Variants in GABRA1 observed in about 807,000 individuals in gnomAD.
GABRA1 encodes the protein gamma-aminobutyric acid type A receptor subunit alpha1.
A neutral mutation model predicts 48.9 loss-of-function variants in GABRA1; 9 were observed. The observed-to-expected ratio is 0.18, with a 90% CI of 0.11 to 0.32. The LOEUF (loss-of-function observed/expected upper bound fraction) is 0.32, where lower values mean the gene tolerates loss of function less well. Ranked by LOEUF, GABRA1 falls within the 10% of genes least tolerant of loss-of-function variation. The pLI is 1.00. For missense variants in GABRA1, 285 were observed against 553.8 expected, an observed-to-expected ratio of 0.51 and a Z score of 4.87; for synonymous variants, 210 against 198.7, an observed-to-expected ratio of 1.06 and a Z score of -0.48.
chr5:161,857,813 G>A (rs1297221622), intron 3 of GABRA1, among the ~76,000 whole-genome samples: 1 of 151,474 alleles, frequency 6.6e-6, no homozygotes, highest in East Asian at 1.9e-4. Context: ...ATTCATTCTT[G>A]TCCATAATCA....
intron 4 of GABRA1, among the ~76,000 whole-genome samples, chr5:161,870,598 A>AAAGAAAGAAAGG (rs140152206): frequency 6.6e-6 from 1 of 151,046 alleles, no homozygotes; most frequent in Non-Finnish European, 1.5e-5. Context: ...AGAAAAAAAG[A>AAAGAAAGAAAGG]AAGAAAGAAA....
chr5:161,860,909 C>T (rs1185285883), intron 3 of GABRA1, among the ~76,000 whole-genome samples: 1 of 151,814 alleles, frequency 6.6e-6, no homozygotes, highest in Non-Finnish European at 1.5e-5. Flanking sequence ...GTTTCAATTT[C>T]CTGTGTTGAT....
intron 3 of GABRA1, among the ~76,000 whole-genome samples, chr5:161,855,647 A>AT (rs144806178): frequency 0.03 from 4,561 of 151,372 alleles, 215 homozygotes; most frequent in African/African-American, 0.1. Flanking sequence ...TTGGCTTCAA[A>AT]TTTTTTTTAA....
intron 5 of GABRA1, 143 bp downstream of exon 5, chr5:161,873,480 C>T: frequency 1.4e-6 from 1 of 737,470 alleles, no homozygotes; most frequent in Non-Finnish European, 2.4e-6. Flanking sequence ...TCTCTCCAAC[C>T]TGTTCTAATT....
chr5:161,855,654 T>A (rs1757618722), intron 3 of GABRA1, among the ~76,000 whole-genome samples: 1 of 151,456 alleles, frequency 6.6e-6, no homozygotes, highest in East Asian at 1.9e-4. Flanking sequence ...CAAATTTTTT[T>A]TAATTTATAA....
chr5:161,848,714 T>G (rs1757316745), intron 1 of GABRA1: 1 of 271,832 alleles, frequency 3.7e-6, no homozygotes, highest in Non-Finnish European at 7.3e-6. Context: ...CTTCTCCTCT[T>G]TCTTAGGCAT....
At position 161,855,971 on chromosome 5, in the gene GABRA1, C is replaced by T. The variant is rs187084971; in HGVS notation, c.187+1701C>T. 3.4e-3 allele frequency among the ~76,000 whole-genome samples: 509 copies of T among 151,392 alleles called. 2 individuals are homozygous for T. Among genetic ancestry groups the T allele is most frequent in the African/African-American group, 0.012 (485 of 41,444 alleles). On this transcript the variant is annotated intron_variant, in intron 3 of 9. Transcript: ENST00000393943. ...ATCTTCAATTTATTAAATAGTTTTA[C>T]ACACAAACTGTTAAAATATTAGCCA...
At position 161,882,631 on chromosome 5, in the gene GABRA1, T is replaced by G; in HGVS notation, c.633T>G (p.Asp211Glu). 1 of 1,613,694 alleles carries G rather than the reference T, an allele frequency of 6.2e-7. No individual in the cohort carries two copies. The highest frequency in any genetic ancestry group is 8.5e-7 in the Non-Finnish European group (1 of 1,179,756). Residue 211 changes from aspartate to glutamate, a missense_variant, in exon 7 of 10, where the codon GAT becomes GAG. This residue lies in a region of GABRA1 where 105 missense variants were observed against 267.4 expected (regional missense o/e 0.39). Coordinates refer to ENST00000393943, the MANE Select transcript of GABRA1 (RefSeq NM_001127644.2). ...EPARSVVVAE[D>E]GSRLNQYDLL... ...CACGCTCAGTGGTTGTAGCAGAAGA[T>G]GGATCACGTCTAAACCAGTATGACC...
chr5:161,871,297 C>T (rs1183256540), intron 4 of GABRA1, among the ~76,000 whole-genome samples: 1 of 152,110 alleles, frequency 6.6e-6, no homozygotes, highest in African/African-American at 2.4e-5. Context: ...TCACCTTCAG[C>T]ATCCTTGGAA....
At chr5:161,856,857 C>T (rs2113318313) in intron 3 of GABRA1, among the ~76,000 whole-genome samples, 1 of 151,050 alleles carries the variant, frequency 6.6e-6, no homozygotes, top group African/African-American at 2.4e-5. Context: ...ACATAACCAG[C>T]CATAGACTTA....
intron 8 of GABRA1, among the ~76,000 whole-genome samples, chr5:161,894,273 AC>A (rs1424500325): frequency 6.6e-6 from 1 of 152,154 alleles, no homozygotes; most frequent in Non-Finnish European, 1.5e-5. Context: ...AATTTTCTCA[AC>A]GTCATTCAGC....
chr5:161,876,240 A>G lies in GABRA1; in HGVS notation c.559+598A>G, dbSNP rs1038014314. Reference sequence around the variant, plus strand: ...GTATCCTGGATAAATGCCCTTCATAATAACTTCCTGGGTTTCAGCTGTTTG... The same window carrying G: ...GTATCCTGGATAAATGCCCTTCATAGTAACTTCCTGGGTTTCAGCTGTTTG... On this transcript the variant is annotated intron_variant, in intron 6 of 9. Coordinates refer to ENST00000393943, the MANE Select transcript of GABRA1 (RefSeq NM_001127644.2). 1.4e-4 allele frequency among the ~76,000 whole-genome samples: 21 copies of G among 152,188 alleles called. 1 individual carries two copies. Among genetic ancestry groups the G allele is most frequent in the African/African-American group, 4.3e-4 (18 of 41,520 alleles).
intron 7 of GABRA1, among the ~76,000 whole-genome samples, chr5:161,887,621 A>T (rs751936799): frequency 2.0e-5 from 3 of 152,138 alleles, no homozygotes; most frequent in Middle Eastern, 3.2e-3. Flanking sequence ...TTTTGATAGA[A>T]AATTCCTTTT....
intron 3 of GABRA1, among the ~76,000 whole-genome samples, chr5:161,863,366 T>C (rs1757933181): frequency 6.6e-6 from 1 of 151,964 alleles, no homozygotes; most frequent in South Asian, 2.1e-4. Context: ...GACACTGGCA[T>C]CTGCTTGGCT....
chr5:161,860,666 A>C, intron 3 of GABRA1, among the ~76,000 whole-genome samples: 1 of 152,066 alleles, frequency 6.6e-6, no homozygotes, highest in Admixed American at 6.6e-5. Flanking sequence ...ATGAAGAATA[A>C]ATGCTTGAGG....
At position 161,872,661 on chromosome 5, in the gene GABRA1, A is replaced by T. The variant is rs574855658; in HGVS notation, c.256-456A>T. Among the ~76,000 whole-genome samples the T allele has an allele frequency of 3.7e-4, 56 of 152,268 alleles. No individual in the cohort carries two copies. The East Asian group carries it at 0.011, about 29-fold the overall frequency. ...AATCACAATTTACTTGGGTGTGGGC[A>T]TGAGGTTTTCAGAGACAATGAGAGG... is the stretch of plus-strand genomic sequence containing the variant. On this transcript the variant is annotated intron_variant, in intron 4 of 9. Coordinates refer to ENST00000393943, the MANE Select transcript of GABRA1 (RefSeq NM_001127644.2).
At chr5:161,884,773 G>A (rs562259452) in intron 7 of GABRA1, among the ~76,000 whole-genome samples, 1 of 152,124 alleles carries the variant, frequency 6.6e-6, no homozygotes, top group African/African-American at 2.4e-5. Context: ...AGTCTCAAAG[G>A]TTGCTTAGAG....
intron 7 of GABRA1, 42 bp downstream of exon 7, chr5:161,882,743 G>T (rs138239865): frequency 1.3e-5 from 21 of 1,561,798 alleles, no homozygotes; most frequent in East Asian, 6.8e-5. Flanking sequence ...GGAAGAAGAA[G>T]AATAATATTT....
At chr5:161,850,958 T>G in intron 2 of GABRA1, 74 bp downstream of exon 2, 1 of 1,253,650 alleles carries the variant, frequency 8.0e-7, no homozygotes, top group Non-Finnish European at 1.2e-6. Flanking sequence ...GGAAGAAAAT[T>G]GTCCTCAAAT....
Sources: allele counts gnomAD v4.1 joint callset (sites outside exome capture counted in the v4.1 genomes callset), GRCh38; gene constraint gnomAD v4.1.1; regional missense constraint gnomAD v4.1.1; transcripts MANE v1.5; gene names NCBI Gene and HGNC (gene_info 2026-07-23, HGNC 2026-07-21).